Variants in CELF2 observed in about 807,000 individuals in gnomAD.
CELF2 encodes the protein CUG triplet repeat RNA-binding protein 2.
Under a neutral mutation model 62.6 loss-of-function variants are expected in CELF2, and 8 were observed. That is an observed-to-expected ratio of 0.13 (90% confidence interval 0.07 to 0.23). The LOEUF is 0.23. Ranked by LOEUF, CELF2 falls within the 10% of genes least tolerant of loss-of-function variation. CELF2 has a pLI of 1.00. For missense variants in CELF2, 333 were observed against 671.0 expected, an observed-to-expected ratio of 0.50 and a Z score of 5.56; for synonymous variants, 258 against 250.0, an observed-to-expected ratio of 1.03 and a Z score of -0.30.
chr10:10,859,468 C>T (rs2059933365), intron 1 of CELF2, among the ~76,000 whole-genome samples: 1 of 151,998 alleles, frequency 6.6e-6, no homozygotes, highest in Non-Finnish European at 1.5e-5. Context: ...GGGAAATAGC[C>T]ACCACAGTAT....
the CELF2 span, among the ~76,000 whole-genome samples, chr10:10,491,990 AC>A: frequency 6.7e-6 from 1 of 150,308 alleles, no homozygotes; most frequent in Middle Eastern, 3.4e-3. Context: ...CCATTTTCTT[AC>A]CCCTCTTCCT....
chr10:10,518,096 C>T, the CELF2 span, among the ~76,000 whole-genome samples: 2 of 152,204 alleles, frequency 1.3e-5, no homozygotes, highest in South Asian at 4.1e-4. Flanking sequence ...CTGCATGGTG[C>T]TAAGTTACCA....
intron 1 of CELF2, among the ~76,000 whole-genome samples, chr10:10,823,347 C>T (rs2057122353): frequency 6.6e-6 from 1 of 152,112 alleles, no homozygotes; most frequent in African/African-American, 2.4e-5. Context: ...TGCAGGCGTT[C>T]CCAGGGTTGT....
intron 1 of CELF2, among the ~76,000 whole-genome samples, chr10:11,082,858 A>T (rs1471701775): frequency 6.6e-6 from 1 of 152,204 alleles, no homozygotes; most frequent in Non-Finnish European, 1.5e-5. Context: ...CTTCGAGCAA[A>T]ATGGTCAGAA....
intron 8 of CELF2, among the ~76,000 whole-genome samples, chr10:11,277,926 A>G (rs2086754676): frequency 6.6e-6 from 1 of 152,212 alleles, no homozygotes; most frequent in African/African-American, 2.4e-5. Flanking sequence ...TGATCTCTGC[A>G]TCTAAAATTC....
chr10:10,627,109 G>A, the CELF2 span, among the ~76,000 whole-genome samples: 1 of 152,184 alleles, frequency 6.6e-6, no homozygotes, highest in South Asian at 2.1e-4. Context: ...TGTGTAGTGA[G>A]GCTCTCGCAT....
the CELF2 span, among the ~76,000 whole-genome samples, chr10:10,663,112 C>T: frequency 8.5e-5 from 13 of 152,196 alleles, no homozygotes; most frequent in Non-Finnish European, 1.3e-4. Context: ...GCAGGCTTAG[C>T]TGAAATATTA....
chr10:11,155,554 C>T (rs1372063966), intron 1 of CELF2, among the ~76,000 whole-genome samples: 2 of 152,160 alleles, frequency 1.3e-5, no homozygotes, highest in African/African-American at 4.8e-5. Context: ...TTGTGACATA[C>T]GTTTCTGTCT....
At position 11,012,720 on chromosome 10, in the gene CELF2, G is replaced by T. The variant is rs2056669927; in HGVS notation, c.53+7280G>T. On this transcript the variant is annotated intron_variant, in intron 1 of 12. Coordinates refer to the CELF2 transcript ENST00000416382. The surrounding 1 kb of genome is among the most constrained non-coding windows in gnomAD (Gnocchi z 5.5). ...GTTGGGGAAAACATGTCGTCGGGGT[G>T]GGGGCAGTGAGGGGTGGACTGGGAA... is the stretch of plus-strand genomic sequence containing the variant. Among the ~76,000 whole-genome samples, 3 of 152,148 alleles carry T rather than the reference G, an allele frequency of 2.0e-5. No homozygotes were observed. Among genetic ancestry groups the T allele is most frequent in the Admixed American group, 2.0e-4 (3 of 15,280 alleles).
chr10:11,094,639 G>A (rs138494813), intron 1 of CELF2, among the ~76,000 whole-genome samples: 4 of 152,238 alleles, frequency 2.6e-5, no homozygotes, highest in East Asian at 3.9e-4. Context: ...TAAATACATC[G>A]GCTGATTTAT....
At chr10:11,140,396 A>G (rs1169489107) in intron 1 of CELF2, among the ~76,000 whole-genome samples, 1 of 151,618 alleles carries the variant, frequency 6.6e-6, no homozygotes, top group Non-Finnish European at 1.5e-5. Flanking sequence ...GTGAGTCACC[A>G]TGCCCAACTC....
At chr10:10,842,484 GT>G (rs897328022) in intron 1 of CELF2, among the ~76,000 whole-genome samples, 15 of 151,648 alleles carry the variant, frequency 9.9e-5, no homozygotes, top group Non-Finnish European at 1.5e-4. Context: ...CTTTTTGAGA[GT>G]TTTTTTTCTT....
At chr10:10,695,678 C>G in the CELF2 span, among the ~76,000 whole-genome samples, 1 of 152,022 alleles carries the variant, frequency 6.6e-6, no homozygotes, top group Non-Finnish European at 1.5e-5. Flanking sequence ...TCACATAGTC[C>G]CATATTTCTT....
chr10:10,876,819 G>A (rs554604774), intron 1 of CELF2, among the ~76,000 whole-genome samples: 1 of 152,342 alleles, frequency 6.6e-6, no homozygotes, highest in East Asian at 1.9e-4. Context: ...TATAAATTAA[G>A]AGACACTTGT....
At chr10:11,065,472 G>A (rs551231853) in intron 1 of CELF2, among the ~76,000 whole-genome samples, 14 of 152,280 alleles carry the variant, frequency 9.2e-5, no homozygotes, top group South Asian at 2.1e-4. Context: ...TTGCTATCCA[G>A]TGAACCATCT....
At chr10:11,327,149 C>T (rs1183475120) in intron 12 of CELF2, among the ~76,000 whole-genome samples, 3 of 118,762 alleles carry the variant, frequency 2.5e-5, no homozygotes, top group East Asian at 2.9e-4. Flanking sequence ...TGTATAAACC[C>T]GTGTGACAGT....
At chr10:11,147,058 A>G (rs2062408936) in intron 1 of CELF2, among the ~76,000 whole-genome samples, 1 of 152,222 alleles carries the variant, frequency 6.6e-6, no homozygotes, top group African/African-American at 2.4e-5. Context: ...TAAGAGACAC[A>G]TTACTACGTC....
At chr10:11,232,558 T>G (rs1356566221) in intron 3 of CELF2, among the ~76,000 whole-genome samples, 1 of 152,108 alleles carries the variant, frequency 6.6e-6, no homozygotes, top group East Asian at 1.9e-4. Flanking sequence ...AATCTATGGC[T>G]CGGAAAGAAG....
chr10:10,702,052 G>T, the CELF2 span, among the ~76,000 whole-genome samples: 3 of 152,166 alleles, frequency 2.0e-5, no homozygotes, highest in Admixed American at 6.5e-5. Context: ...CTTGATTCTG[G>T]TATGCAGTGT....
Sources: allele counts gnomAD v4.1 joint callset (sites outside exome capture counted in the v4.1 genomes callset), GRCh38; gene constraint gnomAD v4.1.1; non-coding constraint Gnocchi (gnomAD v3.1); transcripts MANE v1.5; gene names NCBI Gene and HGNC (gene_info 2026-07-23, HGNC 2026-07-21).